Variants in CTNND2 observed in about 807,000 individuals in gnomAD.
CTNND2 encodes the protein catenin delta 2.
Under a neutral mutation model 144.4 loss-of-function variants are expected in CTNND2, and 22 were observed. The ratio of observed to expected loss-of-function variants is 0.15; its 90% CI spans 0.11 to 0.22. The LOEUF (loss-of-function observed/expected upper bound fraction) is 0.22. CTNND2 is among the 10% of genes least tolerant of loss of function. The probability of loss-of-function intolerance (pLI) is 1.00; values close to 1 mark genes in which losing one functional copy is unlikely to be tolerated. For synonymous variants in CTNND2, 751 were observed against 695.6 expected (o/e 1.08, Z -1.25); for missense variants, 1,353 against 1,618.8 (o/e 0.84, Z 2.82).
intron 16 of CTNND2, among the ~76,000 whole-genome samples, chr5:11,029,775 GA>G (rs1265284496): frequency 1.3e-5 from 2 of 152,162 alleles, no homozygotes; most frequent in Admixed American, 1.3e-4. Flanking sequence ...GAATTATGTA[GA>G]AAACAAAAGT....
At chr5:11,832,151 G>A (rs1793938669) in intron 1 of CTNND2, among the ~76,000 whole-genome samples, 2 of 152,072 alleles carry the variant, frequency 1.3e-5, no homozygotes, top group Non-Finnish European at 2.9e-5. Context: ...GGGCATGGTG[G>A]CGGGCGCCTG....
At chr5:11,732,944 T>A (rs1209880079) in intron 1 of CTNND2, among the ~76,000 whole-genome samples, 1 of 151,990 alleles carries the variant, frequency 6.6e-6, no homozygotes, top group Non-Finnish European at 1.5e-5. Flanking sequence ...GAAGCCTCCA[T>A]AAAACCCCAG....
At position 11,049,039 on chromosome 5, in the gene CTNND2, C is replaced by T. The variant is rs144813145; in HGVS notation, c.2789-26060G>A. Among the ~76,000 whole-genome samples the T allele has an allele frequency of 1.1e-4, 17 of 152,310 alleles. No individual in the cohort carries two copies. The East Asian group carries it at 3.1e-3, about 28-fold the overall frequency. On this transcript the variant is annotated intron_variant, in intron 16 of 21. Transcript: ENST00000304623. ...AATGTTTTCTGATATTGCTAAATAT[C>T]TCCTGGGGGACAAAATTGCCCCATG...
chr5:11,141,433 G>T (rs1580401137), intron 12 of CTNND2, among the ~76,000 whole-genome samples: 1 of 152,282 alleles, frequency 6.6e-6, no homozygotes, highest in Non-Finnish European at 1.5e-5. Context: ...GGCTCTTGGT[G>T]AATAAAGGAG....
chr5:11,657,035 A>C (rs929800142), intron 2 of CTNND2, among the ~76,000 whole-genome samples: 4 of 152,094 alleles, frequency 2.6e-5, no homozygotes, highest in Admixed American at 1.3e-4. Flanking sequence ...AAGAAAATAA[A>C]ACTTGAAGAA....
intron 9 of CTNND2, among the ~76,000 whole-genome samples, chr5:11,343,540 C>T (rs1754468415): frequency 1.3e-5 from 2 of 152,166 alleles, no homozygotes; most frequent in Admixed American, 1.3e-4. Flanking sequence ...CATAAATATA[C>T]TCTTTCTTTT....
intron 1 of CTNND2, among the ~76,000 whole-genome samples, chr5:11,767,585 G>GA (rs1789669645): frequency 6.6e-6 from 1 of 152,100 alleles, no homozygotes; most frequent in African/African-American, 2.4e-5. Flanking sequence ...GGGTCTTTTG[G>GA]AAAACCTCCA....
At chr5:11,154,814 C>T (rs1387198941) in intron 12 of CTNND2, among the ~76,000 whole-genome samples, 4 of 152,192 alleles carry the variant, frequency 2.6e-5, no homozygotes, top group Admixed American at 2.6e-4. Flanking sequence ...CTCTTCCTAG[C>T]TGCTGGTGTT....
chr5:10,989,830 C>T (rs1293827822), intron 19 of CTNND2, among the ~76,000 whole-genome samples: 10 of 152,210 alleles, frequency 6.6e-5, no homozygotes, highest in South Asian at 2.1e-4. Flanking sequence ...GCCCAACAGA[C>T]GTTACAGCCA....
chr5:11,030,647 G>T (rs1045484667), intron 16 of CTNND2, among the ~76,000 whole-genome samples: 2 of 150,322 alleles, frequency 1.3e-5, no homozygotes, highest in African/African-American at 4.9e-5. Context: ...TCATGTTCTT[G>T]ACTCTCTTCA....
intron 9 of CTNND2, among the ~76,000 whole-genome samples, chr5:11,276,186 A>G (rs952968962): frequency 3.3e-5 from 5 of 152,208 alleles, no homozygotes; most frequent in Admixed American, 6.5e-5. Context: ...AGGAGACAGG[A>G]GCAGGGGATG....
At chr5:11,343,254 G>A (rs1754444999) in intron 9 of CTNND2, among the ~76,000 whole-genome samples, 1 of 152,168 alleles carries the variant, frequency 6.6e-6, no homozygotes, top group South Asian at 2.1e-4. Context: ...CAAGTCTAAT[G>A]ATGAAGTGGA....
intron 21 of CTNND2, among the ~76,000 whole-genome samples, chr5:10,979,548 G>A (rs1416462422): frequency 6.6e-6 from 1 of 152,196 alleles, no homozygotes; most frequent in East Asian, 1.9e-4. Context: ...GATGTATGAA[G>A]TTTCTGATCA....
chr5:11,879,339 G>GTGTGTATATATATATATATATATATATA (rs1553988765), intron 1 of CTNND2, among the ~76,000 whole-genome samples: 3 of 100,964 alleles, frequency 3.0e-5, no homozygotes, highest in Non-Finnish European at 6.5e-5. Flanking sequence ...AATTAAATGT[G>GTGTGTATATATATATATATATATATATA]TGTATATATA....
At chr5:11,111,285 ATC>A (rs1451225487) in intron 13 of CTNND2, among the ~76,000 whole-genome samples, 9 of 152,348 alleles carry the variant, frequency 5.9e-5, no homozygotes, top group African/African-American at 2.2e-4. Context: ...TTCTATAAAC[ATC>A]TGTTATTGTT....
At chr5:11,527,761 C>T (rs181496853) in intron 3 of CTNND2, among the ~76,000 whole-genome samples, 7 of 152,180 alleles carry the variant, frequency 4.6e-5, no homozygotes, top group Admixed American at 3.3e-4. Context: ...ATACTCTTAA[C>T]GAGAAAGGGT....
rs1283371114 is a variant in CTNND2 at position 11,025,990 on chromosome 5, C to CT, written c.2789-3012dup. Among the ~76,000 whole-genome samples, 11 of 152,078 alleles carry CT rather than the reference C, an allele frequency of 7.2e-5. No individual in the cohort carries two copies. In the South Asian group the frequency reaches 8.3e-4, roughly 11 times the overall value. On this transcript the variant is annotated intron_variant, in intron 16 of 21. Coordinates refer to ENST00000304623, the MANE Select transcript of CTNND2 (RefSeq NM_001332.4). ...GAAACTGCAAAGTGGGTGGTTCAAA[C>CT]TTTTTTTATAGTTTCACACCATCAA...
chr5:11,491,187 C>T (rs1208824019), intron 3 of CTNND2, among the ~76,000 whole-genome samples: 2 of 152,066 alleles, frequency 1.3e-5, no homozygotes, highest in East Asian at 1.9e-4. Context: ...TTATTATTAC[C>T]ACCTAGTATC....
chr5:11,849,187 GAA>G (rs1794897515), intron 1 of CTNND2, among the ~76,000 whole-genome samples: 2 of 152,096 alleles, frequency 1.3e-5, no homozygotes, highest in East Asian at 3.9e-4. Flanking sequence ...GCAAGAGAGA[GAA>G]AGAACCAAGT....
Sources: gnomAD v4.1 joint callset for allele counts (sites outside exome capture counted in the v4.1 genomes callset) on GRCh38, gnomAD v4.1.1 for gene constraint, MANE v1.5 for transcripts, NCBI Gene and HGNC (gene_info 2026-07-23, HGNC 2026-07-21) for gene names.